Variants in R3HCC1L observed in about 807,000 individuals in gnomAD.
The protein encoded by R3HCC1L is R3H domain and coiled-coil containing 1 like.
A neutral mutation model predicts 59.9 loss-of-function variants in R3HCC1L; 51 were observed. The ratio of observed to expected loss-of-function variants is 0.85; its 90% CI spans 0.68 to 1.07. The LOEUF is 1.07. Among genes scored for constraint, R3HCC1L ranks in the 50% least tolerant of loss-of-function variants. R3HCC1L has a pLI of 0.00. For missense variants in R3HCC1L, 965 were observed against 933.0 expected (o/e 1.03, Z -0.45); for synonymous variants, 322 against 315.2 (o/e 1.02, Z -0.23).
Position 98,228,521 on chromosome 10 carries a change from C to T in R3HCC1L, c.1786-2991C>T, listed in dbSNP as rs934833611. 2.0e-5 allele frequency among the ~76,000 whole-genome samples: 3 copies of T among 152,222 alleles called. No homozygotes were observed. The East Asian group carries it at 5.8e-4, about 29-fold the overall frequency. On this transcript the variant is annotated intron_variant, in intron 5 of 9. Coordinates refer to ENST00000298999, the MANE Select transcript of R3HCC1L (RefSeq NM_001351015.2). ...TGAGTAGATTGCAAAAATTTTCTCC[C>T]ATTCTGTAGGTTGCCTGTTCACTCT...
At chr10:98,155,259 C>T (rs913719828) in intron 1 of R3HCC1L, among the ~76,000 whole-genome samples, 3 of 152,136 alleles carry the variant, frequency 2.0e-5, no homozygotes, top group Admixed American at 1.3e-4. Context: ...TGCACTGTCT[C>T]CTGATCATTA....
At chr10:98,153,389 T>C (rs1043084887) in intron 1 of R3HCC1L, among the ~76,000 whole-genome samples, 4 of 152,160 alleles carry the variant, frequency 2.6e-5, no homozygotes, top group Non-Finnish European at 5.9e-5. Flanking sequence ...ACATGTGCTT[T>C]GTTAAACAGA....
intron 2 of R3HCC1L, among the ~76,000 whole-genome samples, chr10:98,160,034 A>G (rs761555487): frequency 1.3e-5 from 2 of 152,240 alleles, no homozygotes; most frequent in Admixed American, 6.5e-5. Context: ...ACCCAACACT[A>G]CAGGGTTTAT....
At chr10:98,216,317 C>T (rs7899196) in intron 5 of R3HCC1L, among the ~76,000 whole-genome samples, 27,807 of 151,902 alleles carry the variant, frequency 0.18, 2,689 homozygotes, top group Non-Finnish European at 0.2. Flanking sequence ...AGTTTGAGAC[C>T]ACCCTAGGCA....
At chr10:98,231,035 A>G (rs1856321830) in intron 5 of R3HCC1L, 1 of 423,698 alleles carries the variant, frequency 2.4e-6, no homozygotes, top group African/African-American at 2.1e-5. Context: ...ACATTCAACA[A>G]AAAGTGAAGT....
At chr10:98,161,001 T>C (rs1007118219) in intron 2 of R3HCC1L, among the ~76,000 whole-genome samples, 5 of 152,232 alleles carry the variant, frequency 3.3e-5, no homozygotes, top group Admixed American at 3.3e-4. Context: ...TTTGTCCATA[T>C]GTATTTTGGT....
chr10:98,147,189 G>T (rs892292344), intron 1 of R3HCC1L, among the ~76,000 whole-genome samples: 1 of 152,060 alleles, frequency 6.6e-6, no homozygotes, highest in African/African-American at 2.4e-5. Flanking sequence ...TCATATACCT[G>T]TTGGCCGTTT....
chr10:98,168,489 A>G (rs1848181827), intron 4 of R3HCC1L, among the ~76,000 whole-genome samples: 1 of 152,176 alleles, frequency 6.6e-6, no homozygotes, highest in South Asian at 2.1e-4. Context: ...TTTTCATGCC[A>G]GTTTATTTAT....
At chr10:98,199,020 T>A (rs559396999) in intron 4 of R3HCC1L, among the ~76,000 whole-genome samples, 2 of 151,420 alleles carry the variant, frequency 1.3e-5, no homozygotes, top group Non-Finnish European at 3.0e-5. Context: ...TTTCAACATA[T>A]AATCAGTATA....
intron 1 of R3HCC1L, among the ~76,000 whole-genome samples, chr10:98,142,589 G>C (rs972613169): frequency 1.3e-5 from 2 of 151,386 alleles, no homozygotes; most frequent in East Asian, 1.9e-4. Context: ...AATGAGTGGA[G>C]ATTGCATCAC....
chr10:98,209,844 G>T lies in R3HCC1L; in HGVS notation c.1730G>T (p.Trp577Leu). ...TEGITAIEES[W>L]ESMFNDDGDC... The stretch of plus-strand genomic sequence containing the variant: ...GGAATTACTGCCATTGAGGAGAGCT[G>T]GGAGTCTATGTTTAACGATGATGGT... The change falls in exon 5 of 10, where the codon TGG becomes TTG. Residue 577 changes from tryptophan to leucine, a missense_variant. Physicochemically the swap from Trp to Leu is moderately conservative, Grantham distance 61. Coordinates refer to ENST00000298999, the MANE Select transcript of R3HCC1L (RefSeq NM_001351015.2). The T allele has an allele frequency of 6.2e-7, 1 of 1,613,696 alleles. No individual in the cohort carries two copies.
chr10:98,136,946 C>T (rs1386352711), intron 1 of R3HCC1L, among the ~76,000 whole-genome samples: 1 of 152,176 alleles, frequency 6.6e-6, no homozygotes, highest in Non-Finnish European at 1.5e-5. Flanking sequence ...CGCGGTGGCG[C>T]ACGTCTGTAA....
chr10:98,154,227 TAGTA>T (rs886618432), intron 1 of R3HCC1L, among the ~76,000 whole-genome samples: 3 of 133,474 alleles, frequency 2.2e-5, no homozygotes, highest in African/African-American at 8.6e-5. Flanking sequence ...TAGTGAGTAA[TAGTA>T]AGGCAGTACA....
At chr10:98,184,854 T>G (rs917567480) in intron 4 of R3HCC1L, among the ~76,000 whole-genome samples, 3 of 152,184 alleles carry the variant, frequency 2.0e-5, no homozygotes, top group Admixed American at 2.0e-4. Flanking sequence ...AATTACAAAA[T>G]TTTTTAACCA....
At chr10:98,164,039 G>A (rs1215414121) in intron 4 of R3HCC1L, among the ~76,000 whole-genome samples, 7 of 152,078 alleles carry the variant, frequency 4.6e-5, no homozygotes, top group Non-Finnish European at 1.0e-4. Context: ...GTATATTCCA[G>A]CTTCTGACTC....
At chr10:98,144,951 A>T (rs1181354043) in intron 1 of R3HCC1L, among the ~76,000 whole-genome samples, 1 of 152,238 alleles carries the variant, frequency 6.6e-6, no homozygotes, top group Non-Finnish European at 1.5e-5. Context: ...CAGTATGTGA[A>T]CTGAGTGAGA....
At chr10:98,234,797 G>T (rs1856741572) in intron 7 of R3HCC1L, among the ~76,000 whole-genome samples, 1 of 152,176 alleles carries the variant, frequency 6.6e-6, no homozygotes, top group African/African-American at 2.4e-5. Context: ...AGAGATTGAA[G>T]AATCCAATGG....
intron 4 of R3HCC1L, among the ~76,000 whole-genome samples, chr10:98,176,928 C>T (rs1849084134): frequency 6.6e-6 from 1 of 151,782 alleles, no homozygotes; most frequent in Non-Finnish European, 1.5e-5. Flanking sequence ...TGAATTTTGT[C>T]AGATATTTTA....
intron 5 of R3HCC1L, among the ~76,000 whole-genome samples, chr10:98,225,153 C>T (rs979362033): frequency 6.6e-6 from 1 of 152,102 alleles, no homozygotes; most frequent in Non-Finnish European, 1.5e-5. Flanking sequence ...ATTACATAGC[C>T]ACATGTGACA....
Sources: gnomAD v4.1 joint callset for allele counts (sites outside exome capture counted in the v4.1 genomes callset) on GRCh38, gnomAD v4.1.1 for gene constraint, MANE v1.5 for transcripts, NCBI Gene and HGNC (gene_info 2026-07-23, HGNC 2026-07-21) for gene names.